The following LAS1L variants were observed in gnomAD, a reference collection of about 807,000 sequenced individuals.
LAS1L encodes the protein LAS1 like ribosome biogenesis factor, also known as ribosomal biogenesis protein LAS1L.
Under a neutral mutation model 57.3 loss-of-function variants are expected in LAS1L, and 5 were observed. The ratio of observed to expected loss-of-function variants is 0.09; its 90% confidence interval spans 0.05 to 0.18. The LOEUF (loss-of-function observed/expected upper bound fraction) is 0.18, where lower values mean the gene tolerates loss of function less well. LAS1L is among the 10% of genes least tolerant of loss of function. The probability of loss-of-function intolerance (pLI) is 1.00; values close to 1 mark genes in which losing one functional copy is unlikely to be tolerated. For missense variants in LAS1L, 360 were observed against 568.3 expected (o/e 0.63, Z 3.73); for synonymous variants, 245 against 231.7 (o/e 1.06, Z -0.52).
rs2069422509 is a variant in LAS1L, at chrX:65,530,625, G to A, written c.514+732C>T. Reference sequence around the variant, plus strand: ...AGTTCGAGACTAGCCTGACCAACATGATGAAACCCCATCGCTACTAAAAAT... The same window carrying A: ...AGTTCGAGACTAGCCTGACCAACATAATGAAACCCCATCGCTACTAAAAAT... On this transcript the variant is annotated intron_variant, in intron 4 of 13. Coordinates refer to ENST00000374811, the MANE Select transcript of LAS1L (RefSeq NM_031206.7). Among the ~76,000 whole-genome samples, 4 of 107,953 alleles carry A rather than the reference G, an allele frequency of 3.7e-5. No individual in the cohort carries two copies. In the Admixed American group the frequency reaches 4.0e-4, roughly 11 times the overall value. The allele number at this position is 107,953 out of a possible 115,157, so 93.7% of individuals were successfully genotyped here. A position where few individuals can be genotyped will look rare whatever the true frequency, so the allele number is the denominator to read the frequency against.
At chrX:65,517,269 ACGGAGT>A (rs2068675557) in intron 12 of LAS1L, among the ~76,000 whole-genome samples, 1 of 92,287 alleles carries the variant, frequency 1.1e-5, no homozygotes, top group Non-Finnish European at 2.1e-5. Context: ...TTTTTTTGAG[ACGGAGT>A]CTCGCTCTGT....
intron 3 of LAS1L, among the ~76,000 whole-genome samples, chrX:65,532,215 G>C (rs1463282142): frequency 1.8e-5 from 2 of 112,303 alleles, no homozygotes; most frequent in Non-Finnish European, 3.8e-5. Flanking sequence ...GGGAATTCCT[G>C]ATTTACAAAG....
chrX:65,524,383 C>A, intron 9 of LAS1L, 121 bp from the exon 10 acceptor site: 2 of 578,899 alleles, frequency 3.5e-6, no homozygotes, highest in South Asian at 2.7e-5. Flanking sequence ...AGAATGTGTG[C>A]GCGCGCATGA....
chrX:65,514,878 G>A lies in LAS1L; in HGVS notation c.2023C>T (p.Leu675Phe). The change falls in exon 13 of 14, where the codon CTT (leucine) becomes TTT (phenylalanine). Residue 675 changes from leucine to phenylalanine, a missense_variant. Physicochemically the swap from Leu to Phe is conservative, Grantham distance 22 (BLOSUM62 0). Coordinates refer to ENST00000374811, the MANE Select transcript of LAS1L (RefSeq NM_031206.7). ...LMLENYDTMY[L>F]LDQPVLEQRL... ...TGCTCTAGCACAGGCTGGTCCAAAA[G>A]ATACATGGTGTCATAATTCTCCAGC... 1 of 1,209,630 alleles carries A rather than the reference G, an allele frequency of 8.3e-7. No individual in the cohort carries two copies. Among genetic ancestry groups the A allele is most frequent in the Non-Finnish European group, 1.1e-6 (1 of 894,236 alleles).
intron 11 of LAS1L, 119 bp downstream of exon 11, chrX:65,523,441 G>T: frequency 1.4e-6 from 1 of 725,498 alleles, no homozygotes; most frequent in Non-Finnish European, 1.9e-6. Flanking sequence ...CTGTCAGTGG[G>T]AGTGAGACTG....
Position 65,517,980 on chromosome X carries a change from T to C in LAS1L, c.1927+7A>G, listed in dbSNP as rs2148269925. 8.5e-7 allele frequency: 1 copy of C among 1,182,633 alleles called. No individual in the cohort carries two copies. The highest frequency in any genetic ancestry group is 1.8e-5 in the African/African-American group (1 of 55,994). On this transcript the variant is annotated splice_region_variant and intron_variant, in intron 12 of 13. Transcript: ENST00000374811. ...AGAAGTCCATGTGGGGACAAAGTAG[T>C]TCTTACCTGAGCTAACCTGCCATGC...
rs1329018160 is a variant in LAS1L at position 65,512,850 on chromosome X, G to T, written c.2130C>A (p.Ser710Arg). ...GVGSGNCSNS[S>R]SSNFEGLLWS... ...AGAGAAGGCCCTCGAAGTTGCTGCT[G>T]CTGCTGTTGCTGCAGTTGCCACTGC... is the stretch of plus-strand genomic sequence containing the variant. The change falls in exon 14 of 14, where the codon AGC becomes AGA. Residue 710 changes from serine to arginine, a missense_variant. Transcript: ENST00000374811. 1 of 1,167,556 alleles carries T rather than the reference G, an allele frequency of 8.6e-7. No homozygotes were observed. The highest frequency in any genetic ancestry group is 2.6e-5 in the Admixed American group (1 of 38,776).
intron 12 of LAS1L, among the ~76,000 whole-genome samples, chrX:65,517,745 T>C (rs2068702849): frequency 8.9e-6 from 1 of 112,698 alleles, no homozygotes; most frequent in Non-Finnish European, 1.9e-5. Flanking sequence ...CACACCCATG[T>C]CATCCTCTCA....
chrX:65,514,262 C>T (rs1042335044), intron 13 of LAS1L, among the ~76,000 whole-genome samples: 20 of 110,941 alleles, frequency 1.8e-4, no homozygotes, highest in Admixed American at 2.8e-4. Flanking sequence ...AGGGCTCCCA[C>T]GCCTGTGATC....
chrX:65,520,842 G>A, intron 11 of LAS1L: 1 of 754,226 alleles, frequency 1.3e-6, no homozygotes, highest in Non-Finnish European at 1.6e-6. Flanking sequence ...GTACCTTGAA[G>A]GCCACCTATC....
In LAS1L at chrX:65,531,379, G is replaced by C. The variant is rs752812649; in HGVS notation, c.492C>G (p.Pro164=). 8.3e-7 allele frequency: 1 copy of C among 1,207,938 alleles called. No individual in the cohort carries two copies. The highest frequency in any genetic ancestry group is 1.8e-5 in the South Asian group (1 of 56,849). Residue 164 remains proline (P), a synonymous_variant, in exon 4 of 14, where the codon CCC becomes CCG. Coordinates refer to ENST00000374811, the MANE Select transcript of LAS1L (RefSeq NM_031206.7). ...LRHELTHKKM[P]HINDCRRGCY... ...CACCTCTGCGGCAGTCATTTATATGGGGCATTTTCTTGTGGGTCAACTCAT... is the reference window on the plus strand; with the variant it reads ...CACCTCTGCGGCAGTCATTTATATGCGGCATTTTCTTGTGGGTCAACTCAT...
At chrX:65,524,860 C>G in intron 8 of LAS1L, 105 bp downstream of exon 8, 1 of 578,924 alleles carries the variant, frequency 1.7e-6, no homozygotes, top group Non-Finnish European at 2.8e-6. Flanking sequence ...CATGGAATGG[C>G]AGGAAACAGC....
chrX:65,516,558 C>A (rs943057069), intron 12 of LAS1L, among the ~76,000 whole-genome samples: 28 of 109,500 alleles, frequency 2.6e-4, no homozygotes, highest in African/African-American at 9.3e-4. Context: ...ATTTCAGCAA[C>A]CCTGCCTCCT....
chrX:65,533,882 C>G (rs747394131), intron 1 of LAS1L, 147 bp from the exon 2 acceptor site: 8 of 599,793 alleles, frequency 1.3e-5, no homozygotes, highest in African/African-American at 2.3e-5. Flanking sequence ...TGGGAGGAGA[C>G]ACGGTAATGT....
intron 7 of LAS1L, among the ~76,000 whole-genome samples, chrX:65,527,973 G>C (rs2069256108): frequency 8.9e-6 from 1 of 112,326 alleles, no homozygotes. Flanking sequence ...TAGTTGTCAA[G>C]AGCTCCACAT....
intron 11 of LAS1L, chrX:65,521,157 C>G: frequency 1.3e-6 from 1 of 754,129 alleles, no homozygotes; most frequent in Non-Finnish European, 1.6e-6. Context: ...CCTCTGTGTC[C>G]CAAATGCCAT....
In LAS1L at chrX:65,512,608, A is replaced by G; in HGVS notation, c.*167T>C. 1.7e-6 allele frequency: 1 copy of G among 601,747 alleles called. No homozygotes were observed. Among genetic ancestry groups the G allele is most frequent in the Non-Finnish European group, 2.5e-6 (1 of 402,649 alleles). 49.6% of individuals were successfully genotyped at this position (601,747 alleles called of 1,213,427 possible). ...ACAGTTGCCTGTTTATTATTTTTCA[A>G]AACAAAACAAAAACAAAAGACATTC... is the stretch of plus-strand genomic sequence containing the variant. On this transcript the variant is annotated 3_prime_UTR_variant, in exon 14 of 14. Coordinates refer to ENST00000374811, the MANE Select transcript of LAS1L (RefSeq NM_031206.7).
intron 1 of LAS1L, among the ~76,000 whole-genome samples, chrX:65,533,992 C>T (rs2069658558): frequency 9.0e-6 from 1 of 111,659 alleles, no homozygotes; most frequent in Admixed American, 9.5e-5. Flanking sequence ...TGGACACACC[C>T]CTTTCTTTCA....
intron 9 of LAS1L, 104 bp downstream of exon 9, chrX:65,524,460 G>C (rs1446193242): frequency 4.0e-6 from 2 of 497,087 alleles, no homozygotes; most frequent in East Asian, 3.7e-5. Context: ...CAGAACAGTG[G>C]GGAGAGAGAA....
Sources: gnomAD v4.1 joint callset for allele counts (sites outside exome capture counted in the v4.1 genomes callset) on GRCh38, gnomAD v4.1.1 for gene constraint, MANE v1.5 for transcripts, NCBI Gene and HGNC (gene_info 2026-07-23, HGNC 2026-07-21) for gene names.